ZNF208: variants seen among roughly 807,000 people sequenced by gnomAD.
ZNF208 encodes zinc finger protein 208.
ZNF208 carries 10 observed loss-of-function variants against 12.1 expected under a neutral mutation model. The observed-to-expected ratio is 0.83, with a 90% CI of 0.51 to 1.40. The LOEUF (loss-of-function observed/expected upper bound fraction) is 1.40, where lower values mean the gene tolerates loss of function less well. Among genes scored for constraint, ZNF208 ranks in the 40% most tolerant of loss-of-function variants. The pLI is 0.00. For missense variants in ZNF208, 1,652 were observed against 1,485.0 expected (o/e 1.11, Z -1.85); for synonymous variants, 497 against 488.4 (o/e 1.02, Z -0.23).
chr19:21,986,855 A>C, intron 3 of ZNF208: 2 of 394,518 alleles, frequency 5.1e-6, no homozygotes, highest in Non-Finnish European at 8.9e-6. Context: ...GAGATGATGG[A>C]AAGAGAGAAC....
rs71180503 is a variant in ZNF208, at chr19:22,008,302, C to CAAAAAAA, written c.3+2483_3+2489dup. On this transcript the variant is annotated intron_variant, in intron 1 of 3. Coordinates refer to ENST00000397126, the MANE Select transcript of ZNF208 (RefSeq NM_007153.3). ...TGGGTGACAGAATGAGACTCTATCT[C>CAAAAAAA]AAAAAAAAAAAAAAGAAAAAAAAAA... is the stretch of plus-strand genomic sequence containing the variant. Among the ~76,000 whole-genome samples the CAAAAAAA allele has an allele frequency of 2.2e-4, 22 of 98,864 alleles. 1 individual carries two copies. Among genetic ancestry groups the CAAAAAAA allele is most frequent in the Non-Finnish European group, 3.2e-4 (16 of 50,700 alleles). The allele number at this position is 98,864 out of a possible 152,430, so 64.9% of individuals were successfully genotyped here.
chr19:21,948,723 G>A (rs183270483), intron 4 of ZNF208, among the ~76,000 whole-genome samples: 4 of 152,166 alleles, frequency 2.6e-5, no homozygotes, highest in African/African-American at 9.6e-5. Flanking sequence ...ATGTTACATG[G>A]AGAGATGCTA....
chr19:21,968,820 T>C lies in ZNF208; in HGVS notation c.*2371A>G, dbSNP rs935793082. Among the ~76,000 whole-genome samples the C allele has an allele frequency of 2.0e-5, 3 of 152,154 alleles. No individual in the cohort carries two copies. The highest frequency in any genetic ancestry group is 4.4e-5 in the Non-Finnish European group (3 of 68,026). On this transcript the variant is annotated 3_prime_UTR_variant, in exon 4 of 4. Coordinates refer to ENST00000397126, the MANE Select transcript of ZNF208 (RefSeq NM_007153.3). ...TGATTTCATATGATCCAGGGCTTTTTATGGTTAGTAGGTTTATTATTACTT... is the reference window on the plus strand; with the variant it reads ...TGATTTCATATGATCCAGGGCTTTTCATGGTTAGTAGGTTTATTATTACTT...
At chr19:21,954,997 T>C (rs1216203112) in intron 4 of ZNF208, among the ~76,000 whole-genome samples, 2 of 152,236 alleles carry the variant, frequency 1.3e-5, no homozygotes, top group African/African-American at 4.8e-5. Context: ...GTTTAGTGCT[T>C]CCTTCAGGAG....
At chr19:21,947,006 A>G (rs573515177) in intron 4 of ZNF208, among the ~76,000 whole-genome samples, 15 of 141,926 alleles carry the variant, frequency 1.1e-4, no homozygotes, top group Non-Finnish European at 2.0e-4. Context: ...AATTTCTCCT[A>G]TTCATTCTTT....
chr19:21,992,455 G>A (rs183881867), intron 1 of ZNF208, among the ~76,000 whole-genome samples: 5 of 152,234 alleles, frequency 3.3e-5, no homozygotes, highest in African/African-American at 7.2e-5. Context: ...TGTAGAAAGC[G>A]GGTATCTCCT....
rs188013028 is a variant in ZNF208, at chr19:22,008,068, G to C, written c.3+2724C>G. Among the ~76,000 whole-genome samples the C allele has an allele frequency of 3.1e-3, 460 of 150,580 alleles. 4 individuals are homozygous for C. The highest frequency in any genetic ancestry group is 0.01 in the Middle Eastern group (3 of 294). ...ACCTGTAATCCCACCACTTTGGGAG[G>C]CTGAGGCAGCCAGATCACAAGGTCA... On this transcript the variant is annotated intron_variant, in intron 1 of 3. Coordinates refer to ENST00000397126, the MANE Select transcript of ZNF208 (RefSeq NM_007153.3).
intron 4 of ZNF208, among the ~76,000 whole-genome samples, chr19:21,954,897 T>C (rs1425467769): frequency 6.6e-6 from 1 of 151,370 alleles, no homozygotes; most frequent in Non-Finnish European, 1.5e-5. Flanking sequence ...TTGATTTTGC[T>C]CATTAGTTGA....
At chr19:22,006,491 C>T (rs1359586585) in intron 1 of ZNF208, among the ~76,000 whole-genome samples, 1 of 152,082 alleles carries the variant, frequency 6.6e-6, no homozygotes, top group African/African-American at 2.4e-5. Context: ...GTTTAGGGTT[C>T]CGTAAGACAC....
intron 4 of ZNF208, chr19:21,941,541 T>A: frequency 3.0e-6 from 1 of 338,946 alleles, no homozygotes; most frequent in East Asian, 4.0e-5. Flanking sequence ...AAAAGTTATT[T>A]GTTTTTTTTT....
Position 21,972,329 on chromosome 19 carries a change from G to C in ZNF208, c.2705C>G (p.Ser902Cys). 6.2e-7 allele frequency: 1 copy of C among 1,613,550 alleles called. No homozygotes were observed. The highest frequency in any genetic ancestry group is 8.5e-7 in the Non-Finnish European group (1 of 1,179,900). ...EECGKGFSMF[S>C]ILTKHEVIHT... ...AATTACCTCATGTTTAGTAAGGATGGAGAACATACTAAAACCTTTGCCACA... is the reference window on the plus strand; with the variant it reads ...AATTACCTCATGTTTAGTAAGGATGCAGAACATACTAAAACCTTTGCCACA... Residue 902 changes from serine to cysteine, a missense_variant, in exon 4 of 4, where the codon TCC becomes TGC. Ser to Cys is a moderately radical substitution (Grantham distance 112). Transcript: ENST00000397126.
chr19:21,969,111 A>C lies in ZNF208; in HGVS notation c.*2080T>G, dbSNP rs1369749550. On this transcript the variant is annotated 3_prime_UTR_variant, in exon 4 of 4. Coordinates refer to ENST00000397126, the MANE Select transcript of ZNF208 (RefSeq NM_007153.3). ...AGGTGGGAGAATGGCATGAACCTGG[A>C]AGCTAGACCTTGGCTAATTTCTTTA... Among the ~76,000 whole-genome samples the C allele has an allele frequency of 2.6e-5, 4 of 152,040 alleles. No individual in the cohort carries two copies. Among genetic ancestry groups the C allele is most frequent in the African/African-American group, 9.7e-5 (4 of 41,432 alleles).
Position 21,972,159 on chromosome 19 carries a change from T to C in ZNF208, c.2875A>G (p.Thr959Ala), listed in dbSNP as rs1970302458. 6.2e-7 allele frequency: 1 copy of C among 1,611,038 alleles called. No homozygotes were observed. The highest frequency in any genetic ancestry group is 2.2e-5 in the East Asian group (1 of 44,666). ...ACGKAYKSSS[T>A]LSYHKKIHTE... ...TGAATTTTCTTATGATAACTAAGGG[T>C]TGAGGATGACTTATAGGCTTTGCCA... The change falls in exon 4 of 4, where the codon ACC becomes GCC. Residue 959 changes from threonine (T) to alanine (A), a missense_variant. This residue lies in a region of ZNF208 where 1,239 missense variants were observed against 1,086.2 expected (regional missense o/e 1.14). Coordinates refer to ENST00000397126, the MANE Select transcript of ZNF208 (RefSeq NM_007153.3).
chr19:21,965,228 TATAA>T (rs1265031575), downstream of ZNF208, among the ~76,000 whole-genome samples: 1 of 152,066 alleles, frequency 6.6e-6, no homozygotes, highest in Non-Finnish European at 1.5e-5. Context: ...TTTTAGAAAC[TATAA>T]ATAATACACT....
downstream of ZNF208, among the ~76,000 whole-genome samples, chr19:21,963,444 T>C (rs2145531233): frequency 6.6e-6 from 1 of 152,182 alleles, no homozygotes; most frequent in South Asian, 2.1e-4. Context: ...TTTAACCATG[T>C]TCCCAGTAAT....
Position 21,971,464 on chromosome 19 carries a change from A to C in ZNF208, c.3570T>G (p.Ile1190Met). 2.5e-6 allele frequency: 4 copies of C among 1,611,244 alleles called. No individual in the cohort carries two copies. Among genetic ancestry groups the C allele is most frequent in the Non-Finnish European group, 3.4e-6 (4 of 1,179,872 alleles). Residue 1190 changes from isoleucine to methionine, a missense_variant, in exon 4 of 4, where the codon ATT (isoleucine) becomes ATG (methionine). By Grantham distance (10) the Ile-to-Met change is conservative (BLOSUM62 1). Transcript: ENST00000397126. ...MFSILAKHKV[I>M]HTGEKLYKCE... ...ATTTGTAGAGTTTCTCTCCAGTATG[A>C]ATTACCTTATGTTTTGCAAGGATTG...
chr19:22,008,994 C>A (rs143630240), intron 1 of ZNF208, among the ~76,000 whole-genome samples: 1 of 152,254 alleles, frequency 6.6e-6, no homozygotes, highest in East Asian at 1.9e-4. Context: ...AGTACTGAAT[C>A]TCAGGTCCAA....
At chr19:21,976,968 GC>G (rs1970442703) in intron 3 of ZNF208, among the ~76,000 whole-genome samples, 1 of 152,228 alleles carries the variant, frequency 6.6e-6, no homozygotes, top group African/African-American at 2.4e-5. Context: ...GACATTTCAT[GC>G]AAATATTAAT....
intron 1 of ZNF208, chr19:21,991,296 T>C (rs1970729606): frequency 1.3e-5 from 2 of 152,186 alleles, no homozygotes; most frequent in African/African-American, 4.8e-5. Flanking sequence ...ACCTAATTTA[T>C]TGAGAGTTTT....
Sources: gnomAD v4.1 joint callset for allele counts (sites outside exome capture counted in the v4.1 genomes callset) on GRCh38, gnomAD v4.1.1 for gene constraint, gnomAD v4.1.1 regional missense constraint, MANE v1.5 for transcripts, NCBI Gene and HGNC (gene_info 2026-07-23, HGNC 2026-07-21) for gene names.